Variants in RALGAPA2 observed in about 807,000 individuals in gnomAD.
The protein encoded by RALGAPA2 is ral GTPase-activating protein subunit alpha-2.
In RALGAPA2, 139 loss-of-function variants were observed where a neutral mutation model predicts 230.4. That is an observed-to-expected ratio of 0.60 (90% CI 0.53 to 0.69). The LOEUF is 0.69. Ranked by LOEUF, RALGAPA2 falls within the 30% of genes least tolerant of loss-of-function variation. The pLI, the probability that RALGAPA2 is intolerant of heterozygous loss-of-function variation, is 0.00. For synonymous variants in RALGAPA2, 847 were observed against 837.8 expected (o/e 1.01, Z -0.19); for missense variants, 2,163 against 2,276.0 (o/e 0.95, Z 1.01).
At chr20:20,534,065 G>T (rs1259638150) in intron 26 of RALGAPA2, among the ~76,000 whole-genome samples, 1 of 152,070 alleles carries the variant, frequency 6.6e-6, no homozygotes, top group African/African-American at 2.4e-5. Flanking sequence ...CAAATTTTTG[G>T]CAAGACTAAT....
At chr20:20,442,368 C>T (rs1321509239) in intron 37 of RALGAPA2, among the ~76,000 whole-genome samples, 2 of 152,272 alleles carry the variant, frequency 1.3e-5, no homozygotes, top group African/African-American at 4.8e-5. Flanking sequence ...TCACTCCGCT[C>T]TCTGTCGTCT....
At chr20:20,515,870 C>A (rs2062855734) in intron 31 of RALGAPA2, among the ~76,000 whole-genome samples, 1 of 152,238 alleles carries the variant, frequency 6.6e-6, no homozygotes, top group African/African-American at 2.4e-5. Flanking sequence ...GGGAAGTGCA[C>A]TGCAGACACA....
intron 4 of RALGAPA2, among the ~76,000 whole-genome samples, chr20:20,652,254 C>A (rs2067425354): frequency 6.6e-6 from 1 of 152,150 alleles, no homozygotes; most frequent in Admixed American, 6.6e-5. Flanking sequence ...TCAGGTTCCA[C>A]AACTTTGTAC....
chr20:20,504,505 C>T (rs1253023481), intron 34 of RALGAPA2, among the ~76,000 whole-genome samples: 5 of 151,998 alleles, frequency 3.3e-5, no homozygotes, highest in South Asian at 4.1e-4. Flanking sequence ...AGGTGAATCA[C>T]GAGGTTAAGA....
In RALGAPA2 at chr20:20,419,743, T is replaced by C. The variant is rs77166025; in HGVS notation, c.5496-7595A>G. On this transcript the variant is annotated intron_variant, in intron 37 of 39. Coordinates refer to ENST00000202677, the MANE Select transcript of RALGAPA2 (RefSeq NM_020343.4). The stretch of plus-strand genomic sequence containing the variant: ...CTACATATATTCATAGGCTTAAGCA[T>C]AGATTTCTATACATTATCCTAGTCT... Among the ~76,000 whole-genome samples, 479 of 152,348 alleles carry C rather than the reference T, an allele frequency of 3.1e-3. 2 individuals are homozygous for C. Among genetic ancestry groups the C allele is most frequent in the African/African-American group, 0.011 (452 of 41,572 alleles).
At chr20:20,465,493 C>A (rs745731521) in intron 37 of RALGAPA2, among the ~76,000 whole-genome samples, 2 of 152,028 alleles carry the variant, frequency 1.3e-5, no homozygotes, top group Non-Finnish European at 2.9e-5. Flanking sequence ...GATGCAGTGA[C>A]CCACTGGGGA....
At chr20:20,417,039 A>G (rs776706846) in intron 37 of RALGAPA2, among the ~76,000 whole-genome samples, 4 of 152,170 alleles carry the variant, frequency 2.6e-5, no homozygotes, top group Non-Finnish European at 5.9e-5. Flanking sequence ...TCATGACTCT[A>G]ACTCCCATGG....
intron 20 of RALGAPA2, among the ~76,000 whole-genome samples, chr20:20,579,266 A>T (rs2064912877): frequency 6.6e-6 from 1 of 152,222 alleles, no homozygotes; most frequent in African/African-American, 2.4e-5. Context: ...CTTGCAGCTT[A>T]AAGTGTATTT....
intron 8 of RALGAPA2, 111 bp downstream of exon 8, chr20:20,637,252 A>G: frequency 1.1e-6 from 1 of 876,174 alleles, no homozygotes. Context: ...GTTACCATTC[A>G]ATACAAAAAT....
rs1568594065 is a variant in RALGAPA2 at position 20,571,845 on chromosome 20, T to C, written c.3000+3A>G. The C allele has an allele frequency of 6.2e-7, 1 of 1,600,134 alleles. No homozygotes were observed. Among genetic ancestry groups the C allele is most frequent in the Admixed American group, 1.7e-5 (1 of 59,498 alleles). On this transcript the variant is annotated splice_donor_region_variant and intron_variant, in intron 22 of 39. Coordinates refer to ENST00000202677, the MANE Select transcript of RALGAPA2 (RefSeq NM_020343.4). ...ATAAAGGAATAAACACATATCCACT[T>C]GCCTTAAACAGCCATGATGCAAACA... is the stretch of plus-strand genomic sequence containing the variant.
At chr20:20,444,254 G>A (rs1020323347) in intron 37 of RALGAPA2, among the ~76,000 whole-genome samples, 4 of 152,260 alleles carry the variant, frequency 2.6e-5, no homozygotes, top group African/African-American at 9.6e-5. Flanking sequence ...TGTTAAAAAG[G>A]AATGCAAATT....
intron 24 of RALGAPA2, among the ~76,000 whole-genome samples, chr20:20,540,912 A>G (rs958668092): frequency 3.9e-5 from 6 of 152,026 alleles, no homozygotes; most frequent in African/African-American, 1.2e-4. Context: ...GTCAAATCTC[A>G]TTCTAGTTTT....
chr20:20,649,786 C>A (rs1052944330), intron 4 of RALGAPA2, among the ~76,000 whole-genome samples: 1 of 152,138 alleles, frequency 6.6e-6, no homozygotes, highest in Non-Finnish European at 1.5e-5. Flanking sequence ...TAACTTAAGT[C>A]CTGTGTTGAC....
At chr20:20,531,490 A>G (rs1218150389) in intron 27 of RALGAPA2, among the ~76,000 whole-genome samples, 197 bp downstream of exon 27, 2 of 152,206 alleles carry the variant, frequency 1.3e-5, no homozygotes, top group Non-Finnish European at 2.9e-5. Context: ...AAGACTCGAG[A>G]CACTCGTGGC....
chr20:20,598,170 G>A (rs1210578055), intron 16 of RALGAPA2, among the ~76,000 whole-genome samples: 1 of 152,030 alleles, frequency 6.6e-6, no homozygotes, highest in Non-Finnish European at 1.5e-5. Context: ...CTGCTTTTTG[G>A]CACTGGTCCT....
chr20:20,640,641 A>G (rs1304602970), intron 6 of RALGAPA2, 60 bp downstream of exon 6: 6 of 1,465,808 alleles, frequency 4.1e-6, no homozygotes, highest in Admixed American at 4.1e-5. Context: ...AAAAAGTAAG[A>G]ATTCCTCAAT....
intron 3 of RALGAPA2, among the ~76,000 whole-genome samples, chr20:20,665,185 T>G (rs1314587458): frequency 6.6e-6 from 1 of 152,212 alleles, no homozygotes; most frequent in African/African-American, 2.4e-5. Flanking sequence ...ATCCTAACAA[T>G]AAATAAACAT....
chr20:20,531,634 T>C, intron 27 of RALGAPA2, 53 bp downstream of exon 27: 1 of 1,382,896 alleles, frequency 7.2e-7, no homozygotes, highest in African/African-American at 1.4e-5. Context: ...CTCAAACTGT[T>C]AAATGCCTCA....
chr20:20,644,144 G>C (rs1257209155), intron 4 of RALGAPA2, among the ~76,000 whole-genome samples: 2 of 152,138 alleles, frequency 1.3e-5, no homozygotes, highest in African/African-American at 4.8e-5. Context: ...TTCTATAAAT[G>C]TATTCATGAC....
Sources: gnomAD v4.1 joint callset for allele counts (sites outside exome capture counted in the v4.1 genomes callset) on GRCh38, gnomAD v4.1.1 for gene constraint, MANE v1.5 for transcripts, NCBI Gene and HGNC (gene_info 2026-07-23, HGNC 2026-07-21) for gene names.